Variants in ABTB3 observed in about 807,000 individuals in gnomAD.
ABTB3 encodes ankyrin repeat- and BTB/POZ domain-containing protein 3.
the ABTB3 span, among the ~76,000 whole-genome samples, chr12:107,465,380 G>T: frequency 6.6e-6 from 1 of 152,076 alleles, no homozygotes. Flanking sequence ...CCCTAGCTCT[G>T]CTCTCTAGAT....
the ABTB3 span, among the ~76,000 whole-genome samples, chr12:107,620,747 G>A: frequency 6.6e-6 from 1 of 152,204 alleles, no homozygotes; most frequent in African/African-American, 2.4e-5. Flanking sequence ...GGATTCACCC[G>A]TGCTGACACC....
chr12:107,654,811 T>C, the ABTB3 span, among the ~76,000 whole-genome samples: 4 of 103,026 alleles, frequency 3.9e-5, no homozygotes, highest in African/African-American at 2.4e-4. Context: ...CAGTCTACAT[T>C]GTATACACAC....
the ABTB3 span, chr12:107,658,167 A>G: frequency 6.4e-6 from 1 of 156,688 alleles, no homozygotes; most frequent in Non-Finnish European, 1.4e-5. Context: ...GTGACCAATA[A>G]TGAGGAAATA....
the ABTB3 span, among the ~76,000 whole-genome samples, chr12:107,418,562 A>G: frequency 6.6e-6 from 1 of 152,188 alleles, no homozygotes; most frequent in Non-Finnish European, 1.5e-5. Flanking sequence ...GGAATTGACA[A>G]GGACACTTCT....
At chr12:107,626,343 C>CTTTTTTTTTTTTT in the ABTB3 span, among the ~76,000 whole-genome samples, 143 of 112,504 alleles carry the variant, frequency 1.3e-3, 4 homozygotes, top group African/African-American at 4.8e-3. Context: ...CTATCGTCAT[C>CTTTTTTTTTTTTT]TTTTTTTTTT....
the ABTB3 span, among the ~76,000 whole-genome samples, chr12:107,644,966 A>C: frequency 7.6e-6 from 1 of 131,680 alleles, no homozygotes; most frequent in Non-Finnish European, 1.6e-5. Flanking sequence ...ACCATGTCAA[A>C]ATTCACTTTT....
the ABTB3 span, among the ~76,000 whole-genome samples, chr12:107,341,296 G>A: frequency 2.0e-5 from 3 of 152,162 alleles, no homozygotes; most frequent in East Asian, 5.8e-4. Context: ...CACAGGCTTT[G>A]TCCCAGGAGC....
At chr12:107,336,221 C>G in the ABTB3 span, among the ~76,000 whole-genome samples, 1 of 152,240 alleles carries the variant, frequency 6.6e-6, no homozygotes, top group Non-Finnish European at 1.5e-5. Context: ...TGATGGCTCT[C>G]AAAGGTCTGA....
At chr12:107,639,179 C>T in the ABTB3 span, among the ~76,000 whole-genome samples, 13 of 152,266 alleles carry the variant, frequency 8.5e-5, no homozygotes, top group South Asian at 2.1e-4. Flanking sequence ...GGAGAGAGCA[C>T]GTAGCACTCA....
At chr12:107,330,351 G>A in the ABTB3 span, among the ~76,000 whole-genome samples, 2 of 152,326 alleles carry the variant, frequency 1.3e-5, no homozygotes, top group East Asian at 3.9e-4. Flanking sequence ...AAGGGTGAAT[G>A]TGGGAAGGCT....
the ABTB3 span, among the ~76,000 whole-genome samples, chr12:107,553,583 A>G: frequency 3.3e-5 from 5 of 152,146 alleles, no homozygotes; most frequent in African/African-American, 7.2e-5. Flanking sequence ...GCCCCAGACC[A>G]AGCTGGAAGG....
At chr12:107,473,279 A>AC in the ABTB3 span, among the ~76,000 whole-genome samples, 3 of 151,678 alleles carry the variant, frequency 2.0e-5, no homozygotes, top group Non-Finnish European at 4.4e-5. Context: ...AGCATGGCCA[A>AC]CCCCCCATCC....
the ABTB3 span, among the ~76,000 whole-genome samples, chr12:107,628,123 G>A: frequency 1.3e-5 from 2 of 152,144 alleles, no homozygotes; most frequent in South Asian, 2.1e-4. Context: ...GGAGCCATCT[G>A]TAGAGGTGGG....
the ABTB3 span, among the ~76,000 whole-genome samples, chr12:107,416,048 G>A: frequency 6.6e-6 from 1 of 152,208 alleles, no homozygotes; most frequent in African/African-American, 2.4e-5. Context: ...AAATTCTGGA[G>A]TCTGAAATAA....
chr12:107,635,136 C>T, the ABTB3 span: 26 of 626,872 alleles, frequency 4.1e-5, no homozygotes, highest in Middle Eastern at 8.8e-4. Context: ...TGAATGCAAA[C>T]GACTTCTGTG....
At chr12:107,495,301 A>G in the ABTB3 span, among the ~76,000 whole-genome samples, 2 of 152,158 alleles carry the variant, frequency 1.3e-5, no homozygotes, top group African/African-American at 4.8e-5. Flanking sequence ...GGGCTCAGCC[A>G]CGCTCTGGTG....
At chr12:107,656,129 A>G in the ABTB3 span, among the ~76,000 whole-genome samples, 1 of 122,932 alleles carries the variant, frequency 8.1e-6, no homozygotes, top group Non-Finnish European at 1.7e-5. Context: ...CTCTATTAAA[A>G]AAAATACAAA....
chr12:107,337,642 G>A, the ABTB3 span, among the ~76,000 whole-genome samples: 2 of 152,194 alleles, frequency 1.3e-5, no homozygotes, highest in Admixed American at 6.5e-5. Flanking sequence ...AGGGGCTGAG[G>A]TTCCCACCCA....
chr12:107,500,552 A>G, the ABTB3 span, among the ~76,000 whole-genome samples: 568 of 152,222 alleles, frequency 3.7e-3, 3 homozygotes, highest in Non-Finnish European at 6.3e-3. Context: ...GTGACCTTGG[A>G]CAAGTCACTA....
Sources: allele counts gnomAD v4.1 joint callset (sites outside exome capture counted in the v4.1 genomes callset), GRCh38; gene constraint gnomAD v4.1.1; transcripts MANE v1.5; gene names NCBI Gene and HGNC (gene_info 2026-07-23, HGNC 2026-07-21).